PLCL1: variants seen among roughly 807,000 people sequenced by gnomAD.
The protein encoded by PLCL1 is inactive phospholipase C-like protein 1.
In PLCL1, 41 loss-of-function variants were observed where a neutral mutation model predicts 84.4. The ratio of observed to expected loss-of-function variants is 0.49; its 90% CI spans 0.38 to 0.63. The LOEUF (loss-of-function observed/expected upper bound fraction) is 0.63. Among genes scored for constraint, PLCL1 ranks in the 30% least tolerant of loss-of-function variants. The pLI is 0.00. For synonymous variants in PLCL1, 490 were observed against 488.3 expected (o/e 1.00, Z -0.05); for missense variants, 1,206 against 1,367.8 (o/e 0.88, Z 1.87).
intron 1 of PLCL1, among the ~76,000 whole-genome samples, chr2:197,946,651 G>A (rs1689278969): frequency 6.6e-6 from 1 of 152,174 alleles, no homozygotes; most frequent in African/African-American, 2.4e-5. Flanking sequence ...TTTGCCCTGA[G>A]TACCTGGCCT....
intron 1 of PLCL1, among the ~76,000 whole-genome samples, chr2:197,910,424 T>A (rs1456660506): frequency 6.6e-6 from 1 of 152,220 alleles, no homozygotes; most frequent in African/African-American, 2.4e-5. Context: ...TCCAAGGGCT[T>A]TACCCAAGCC....
intron 1 of PLCL1, among the ~76,000 whole-genome samples, chr2:198,054,759 A>AAAAC (rs1199032369): frequency 6.6e-6 from 1 of 152,232 alleles, no homozygotes; most frequent in Non-Finnish European, 1.5e-5. Flanking sequence ...CTTAATAAGT[A>AAAAC]AAACAGCAGA....
chr2:197,963,306 T>C (rs1436698621), intron 1 of PLCL1, among the ~76,000 whole-genome samples: 2 of 152,164 alleles, frequency 1.3e-5, no homozygotes, highest in African/African-American at 4.8e-5. Context: ...TATCTCATTG[T>C]AGTTTTGATT....
At chr2:197,900,149 G>A (rs1446077769) in intron 1 of PLCL1, among the ~76,000 whole-genome samples, 3 of 152,228 alleles carry the variant, frequency 2.0e-5, no homozygotes, top group African/African-American at 7.2e-5. Context: ...CTCTTTGAGA[G>A]CAGTAATTTG....
chr2:197,878,771 C>G (rs757901509), intron 1 of PLCL1, among the ~76,000 whole-genome samples: 24 of 152,210 alleles, frequency 1.6e-4, no homozygotes, highest in Non-Finnish European at 2.8e-4. Context: ...CAGTGGTCTC[C>G]AAGATTGTGC....
intron 1 of PLCL1, among the ~76,000 whole-genome samples, chr2:197,875,389 A>G (rs1687715628): frequency 6.6e-6 from 1 of 152,166 alleles, no homozygotes; most frequent in Non-Finnish European, 1.5e-5. Flanking sequence ...ACAGTTAGGA[A>G]TTTAGGACAT....
At chr2:198,048,454 A>G (rs943908104) in intron 1 of PLCL1, among the ~76,000 whole-genome samples, 1 of 152,212 alleles carries the variant, frequency 6.6e-6, no homozygotes, top group Non-Finnish European at 1.5e-5. Flanking sequence ...TTATAAGGAA[A>G]AGAGGATTGA....
intron 1 of PLCL1, among the ~76,000 whole-genome samples, chr2:198,054,738 T>G (rs1471428899): frequency 1.3e-5 from 2 of 152,218 alleles, no homozygotes; most frequent in Non-Finnish European, 2.9e-5. Context: ...GGACTGGCTT[T>G]TAGGTTCAGA....
intron 1 of PLCL1, among the ~76,000 whole-genome samples, chr2:198,034,991 T>C (rs1298121442): frequency 6.6e-6 from 1 of 152,234 alleles, no homozygotes; most frequent in Non-Finnish European, 1.5e-5. Context: ...TTTTCATGTC[T>C]CGTCATGGTA....
chr2:197,928,338 CACTAAGT>C (rs1688871879), intron 1 of PLCL1, among the ~76,000 whole-genome samples: 1 of 152,130 alleles, frequency 6.6e-6, no homozygotes, highest in Non-Finnish European at 1.5e-5. Context: ...GCTTATTTTT[CACTAAGT>C]ACTAACTATG....
intron 1 of PLCL1, among the ~76,000 whole-genome samples, chr2:197,925,554 T>C (rs1014773500): frequency 2.0e-5 from 3 of 152,192 alleles, no homozygotes; most frequent in Admixed American, 6.5e-5. Context: ...CAAGACTAAT[T>C]TGTTGGAGCC....
chr2:197,948,565 A>G (rs1356153800), intron 1 of PLCL1, among the ~76,000 whole-genome samples: 2 of 152,028 alleles, frequency 1.3e-5, no homozygotes, highest in Non-Finnish European at 2.9e-5. Flanking sequence ...GGCTTTCTAA[A>G]GGGGTAAATA....
At chr2:197,916,767 A>G (rs1688608027) in intron 1 of PLCL1, among the ~76,000 whole-genome samples, 2 of 152,112 alleles carry the variant, frequency 1.3e-5, no homozygotes, top group African/African-American at 4.8e-5. Flanking sequence ...TGTAGGCTAA[A>G]AAGTTATTAC....
chr2:198,106,240 T>C (rs1693471290), intron 5 of PLCL1, among the ~76,000 whole-genome samples: 1 of 151,958 alleles, frequency 6.6e-6, no homozygotes, highest in African/African-American at 2.4e-5. Flanking sequence ...CTTTAACCTG[T>C]GCTGCAGAGA....
At chr2:197,863,342 A>G (rs1158861582) in intron 1 of PLCL1, among the ~76,000 whole-genome samples, 1 of 152,146 alleles carries the variant, frequency 6.6e-6, no homozygotes, top group Non-Finnish European at 1.5e-5. Flanking sequence ...TGTGTTTAAA[A>G]GTACTCAAAA....
At chr2:197,884,342 A>G (rs1270490017) in intron 1 of PLCL1, among the ~76,000 whole-genome samples, 1 of 152,168 alleles carries the variant, frequency 6.6e-6, no homozygotes, top group East Asian at 1.9e-4. Flanking sequence ...ATAGGGCAAA[A>G]AGTTTAGCTC....
intron 1 of PLCL1, among the ~76,000 whole-genome samples, chr2:197,833,798 A>G (rs1328592705): frequency 6.6e-6 from 1 of 152,264 alleles, no homozygotes; most frequent in Non-Finnish European, 1.5e-5. Context: ...CTTTCTTCAC[A>G]GAATTAGAAA....
chr2:197,947,927 A>C (rs1689313576), intron 1 of PLCL1, among the ~76,000 whole-genome samples: 1 of 152,198 alleles, frequency 6.6e-6, no homozygotes. Context: ...AAGTGTCATG[A>C]AAACCATTGG....
intron 1 of PLCL1, among the ~76,000 whole-genome samples, chr2:197,823,843 A>C (rs886248871): frequency 1.3e-5 from 2 of 152,138 alleles, no homozygotes; most frequent in African/African-American, 4.8e-5. Context: ...AAGTTCTGTA[A>C]ACCACTCCTC....
Sources: gnomAD v4.1 joint callset for allele counts (sites outside exome capture counted in the v4.1 genomes callset) on GRCh38, gnomAD v4.1.1 for gene constraint, MANE v1.5 for transcripts, NCBI Gene and HGNC (gene_info 2026-07-23, HGNC 2026-07-21) for gene names.